Variants in CCSER2 observed in about 807,000 individuals in gnomAD.
CCSER2 encodes the protein serine-rich coiled-coil domain-containing protein 2.
Under a neutral mutation model 92.3 loss-of-function variants are expected in CCSER2, and 46 were observed. The ratio of observed to expected loss-of-function variants is 0.50; its 90% CI spans 0.39 to 0.64. CCSER2 has a LOEUF of 0.64. Among genes scored for constraint, CCSER2 ranks in the 30% least tolerant of loss-of-function variants. The pLI is 0.00. For synonymous variants in CCSER2, 433 were observed against 431.4 expected (o/e 1.00, Z -0.04); for missense variants, 1,244 against 1,238.9 (o/e 1.00, Z -0.06).
intron 3 of CCSER2, among the ~76,000 whole-genome samples, chr10:84,400,208 AG>A (rs1346178418): frequency 2.0e-5 from 3 of 152,140 alleles, no homozygotes; most frequent in African/African-American, 7.2e-5. Flanking sequence ...TTGATATACA[AG>A]TTTTTAATTT....
intron 6 of CCSER2, chr10:84,455,555 C>T (rs1283378813): frequency 3.2e-5 from 13 of 407,790 alleles, no homozygotes; most frequent in Admixed American, 1.0e-4. Context: ...GGATTACAGG[C>T]GTGAGCTACT....
chr10:84,363,003 A>ATTT (rs762145500), intron 1 of CCSER2, among the ~76,000 whole-genome samples: 1 of 138,828 alleles, frequency 7.2e-6, no homozygotes, highest in Non-Finnish European at 1.6e-5. Context: ...CGCCCAGCTA[A>ATTT]TTTTTTTTTT....
chr10:84,417,319 G>A (rs1181830574), intron 3 of CCSER2, among the ~76,000 whole-genome samples: 1 of 152,204 alleles, frequency 6.6e-6, no homozygotes, highest in African/African-American at 2.4e-5. Flanking sequence ...CAGGAGATGG[G>A]TTTGGCACAA....
At chr10:84,512,543 C>A (rs970922138) in intron 9 of CCSER2, among the ~76,000 whole-genome samples, 1 of 152,046 alleles carries the variant, frequency 6.6e-6, no homozygotes, top group South Asian at 2.1e-4. Flanking sequence ...TACTGGATAC[C>A]CCCAAATCAT....
At position 84,373,715 on chromosome 10, in the gene CCSER2, A is replaced by G. The variant is rs1343225519; in HGVS notation, c.1514A>G (p.Asp505Gly). The G allele has an allele frequency of 2.5e-6, 4 of 1,613,774 alleles. No individual in the cohort carries two copies. The highest frequency in any genetic ancestry group is 2.2e-5 in the South Asian group (2 of 91,066). ...TCTTCGTTTGAACTCTCTCCATCTGATAGCTCTGATGGAACATACATGTGG... is the reference window on the plus strand; with the variant it reads ...TCTTCGTTTGAACTCTCTCCATCTGGTAGCTCTGATGGAACATACATGTGG... Reference protein sequence around the residue: ...AGSSFELSPSDSSDGTYMWDE... With the variant: ...AGSSFELSPSGSSDGTYMWDE... The change falls in exon 3 of 10, where the codon GAT becomes GGT. Residue 505 changes from aspartate to glycine, a missense_variant. Transcript: ENST00000372088.
chr10:84,361,309 GTC>G (rs2133117092), intron 1 of CCSER2, among the ~76,000 whole-genome samples: 1 of 152,226 alleles, frequency 6.6e-6, no homozygotes, highest in Non-Finnish European at 1.5e-5. Context: ...TAAATGTCCC[GTC>G]TCTCCTGGGA....
At chr10:84,363,612 G>A (rs1256378151) in intron 1 of CCSER2, among the ~76,000 whole-genome samples, 6 of 152,200 alleles carry the variant, frequency 3.9e-5, no homozygotes, top group Non-Finnish European at 8.8e-5. Context: ...AAGACAGTGA[G>A]TGGGTGGTTC....
intron 6 of CCSER2, among the ~76,000 whole-genome samples, chr10:84,448,523 T>C (rs1161353761): frequency 6.6e-6 from 1 of 152,122 alleles, no homozygotes; most frequent in Non-Finnish European, 1.5e-5. Flanking sequence ...CTGACTTACC[T>C]AATGGCTTGT....
At chr10:84,476,217 A>G (rs1030146634) in intron 8 of CCSER2, among the ~76,000 whole-genome samples, 2 of 152,044 alleles carry the variant, frequency 1.3e-5, no homozygotes, top group Admixed American at 6.6e-5. Context: ...TTGTTTTTAG[A>G]TTTTATTTTG....
chr10:84,330,773 T>A (rs1843522906), intron 1 of CCSER2, among the ~76,000 whole-genome samples: 1 of 152,178 alleles, frequency 6.6e-6, no homozygotes, highest in Non-Finnish European at 1.5e-5. Context: ...CCCAAAGTGC[T>A]GGGATTGTAG....
chr10:84,427,653 G>A (rs749201286), intron 5 of CCSER2, among the ~76,000 whole-genome samples: 3 of 152,136 alleles, frequency 2.0e-5, no homozygotes, highest in Non-Finnish European at 4.4e-5. Flanking sequence ...TGTTCTCATC[G>A]TAATACTGCT....
At chr10:84,464,103 T>C (rs1846256309) in intron 7 of CCSER2, 87 bp downstream of exon 7, 1 of 686,300 alleles carries the variant, frequency 1.5e-6, no homozygotes, top group African/African-American at 1.8e-5. Context: ...CAATAATAAA[T>C]GTATTAATAC....
chr10:84,332,436 A>ATTTTTTTTTTTTTTTTT (rs1187303667), intron 1 of CCSER2, among the ~76,000 whole-genome samples: 1 of 55,212 alleles, frequency 1.8e-5, no homozygotes, highest in Non-Finnish European at 2.7e-5. Flanking sequence ...ATATATATAT[A>ATTTTTTTTTTTTTTTTT]TTTTTTTTTT....
chr10:84,380,980 G>C (rs568601880), intron 3 of CCSER2, among the ~76,000 whole-genome samples: 3 of 152,120 alleles, frequency 2.0e-5, no homozygotes, highest in Non-Finnish European at 4.4e-5. Context: ...ATCCCAGGGC[G>C]TGAGCCACCA....
At chr10:84,465,297 GTTTTTTACATGTA>G (rs1347589115) in intron 7 of CCSER2, among the ~76,000 whole-genome samples, 1 of 100,438 alleles carries the variant, frequency 1.0e-5, no homozygotes, top group Admixed American at 1.0e-4. Flanking sequence ...GTGTGAAAAA[GTTTTTTACATGTA>G]AAGATTTTTT....
chr10:84,369,954 G>T (rs1413963544), intron 1 of CCSER2, among the ~76,000 whole-genome samples: 1 of 152,008 alleles, frequency 6.6e-6, no homozygotes, highest in East Asian at 1.9e-4. Context: ...AAGGTCAGTT[G>T]ATTGTATTTG....
chr10:84,417,111 T>G (rs527736717), intron 3 of CCSER2, among the ~76,000 whole-genome samples: 1 of 152,376 alleles, frequency 6.6e-6, no homozygotes, highest in African/African-American at 2.4e-5. Flanking sequence ...CCTTAGTTTT[T>G]GTTTATTCAG....
At chr10:84,330,996 C>G (rs1843534554) in intron 1 of CCSER2, among the ~76,000 whole-genome samples, 1 of 152,128 alleles carries the variant, frequency 6.6e-6, no homozygotes. Flanking sequence ...TCTCCTAATT[C>G]TAAATCTTAA....
At chr10:84,399,443 T>C (rs1842003851) in intron 3 of CCSER2, among the ~76,000 whole-genome samples, 1 of 152,180 alleles carries the variant, frequency 6.6e-6, no homozygotes, top group African/African-American at 2.4e-5. Context: ...CTGAAATCTC[T>C]CGGAGTAGGA....
Sources: gnomAD v4.1 joint callset for allele counts (sites outside exome capture counted in the v4.1 genomes callset) on GRCh38, gnomAD v4.1.1 for gene constraint, MANE v1.5 for transcripts, NCBI Gene and HGNC (gene_info 2026-07-23, HGNC 2026-07-21) for gene names.